CORIN: variants seen among roughly 807,000 people sequenced by gnomAD.
The protein encoded by CORIN is corin, serine peptidase, also known as atrial natriuretic peptide-converting enzyme.
CORIN carries 117 observed loss-of-function variants against 125.3 expected under a neutral mutation model. The observed-to-expected ratio is 0.93, with a 90% CI of 0.80 to 1.09. The LOEUF is 1.09. Among genes scored for constraint, CORIN ranks in the 50% least tolerant of loss-of-function variants. The pLI is 0.00. For synonymous variants in CORIN, 450 were observed against 466.4 expected (o/e 0.96, Z 0.45); for missense variants, 1,253 against 1,306.7 (o/e 0.96, Z 0.63).
At chr4:47,643,089 C>T (rs978262267) in intron 15 of CORIN, 57 bp downstream of exon 15, 2 of 1,613,274 alleles carry the variant, frequency 1.2e-6, no homozygotes, top group Non-Finnish European at 1.7e-6. Context: ...ATCCATTCAG[C>T]TTCAGTGGCT....
chr4:47,795,694 AC>A (rs1731258954), intron 2 of CORIN, among the ~76,000 whole-genome samples: 1 of 151,948 alleles, frequency 6.6e-6, no homozygotes, highest in Non-Finnish European at 1.5e-5. Context: ...TTATTTGTAA[AC>A]CACATATTTG....
At chr4:47,829,206 T>C (rs193052927) in intron 1 of CORIN, among the ~76,000 whole-genome samples, 159 of 152,098 alleles carry the variant, frequency 1.0e-3, no homozygotes, top group African/African-American at 3.8e-3. Context: ...TTCATTAATT[T>C]TTATGTTGAT....
intron 6 of CORIN, among the ~76,000 whole-genome samples, chr4:47,689,009 A>T (rs1317630770): frequency 6.6e-6 from 1 of 152,182 alleles, no homozygotes; most frequent in Non-Finnish European, 1.5e-5. Flanking sequence ...GGCTGCCTCC[A>T]TTCTAAAATA....
intron 1 of CORIN, among the ~76,000 whole-genome samples, chr4:47,817,454 C>T (rs187302679): frequency 2.0e-5 from 3 of 152,284 alleles, no homozygotes; most frequent in East Asian, 1.9e-4. Context: ...CCATACCAAA[C>T]ATGGTCCATG....
chr4:47,780,472 G>A (rs1475095892), intron 3 of CORIN, among the ~76,000 whole-genome samples: 1 of 152,040 alleles, frequency 6.6e-6, no homozygotes, highest in Admixed American at 6.6e-5. Flanking sequence ...GAAGAAATCA[G>A]AGTGAATAAA....
chr4:47,610,941 A>T (rs1721844156), intron 19 of CORIN, among the ~76,000 whole-genome samples: 1 of 151,932 alleles, frequency 6.6e-6, no homozygotes, highest in African/African-American at 2.4e-5. Context: ...ATTCTGTTCC[A>T]TTGGTCTATG....
intron 5 of CORIN, among the ~76,000 whole-genome samples, chr4:47,737,538 G>A (rs1728187167): frequency 6.6e-6 from 1 of 152,214 alleles, no homozygotes; most frequent in East Asian, 1.9e-4. Flanking sequence ...GATAACTCTT[G>A]TAGGCTTAAT....
At chr4:47,763,091 T>C (rs960086718) in intron 4 of CORIN, among the ~76,000 whole-genome samples, 1 of 152,180 alleles carries the variant, frequency 6.6e-6, no homozygotes, top group Non-Finnish European at 1.5e-5. Context: ...GAAACTCTCT[T>C]ATCACCCCTT....
intron 17 of CORIN, among the ~76,000 whole-genome samples, chr4:47,624,358 G>A (rs28446805): frequency 0.017 from 2,579 of 152,182 alleles, 76 homozygotes; most frequent in African/African-American, 0.059. Context: ...GTGGTGAGGA[G>A]GCAGCATGTC....
At chr4:47,696,290 T>C (rs1220616293) in intron 5 of CORIN, among the ~76,000 whole-genome samples, 6 of 152,210 alleles carry the variant, frequency 3.9e-5, no homozygotes, top group Non-Finnish European at 7.3e-5. Context: ...AGTCATGCTA[T>C]ACAATCTTGA....
intron 5 of CORIN, among the ~76,000 whole-genome samples, chr4:47,724,332 A>G (rs1009182121): frequency 6.6e-6 from 1 of 152,216 alleles, no homozygotes; most frequent in Non-Finnish European, 1.5e-5. Context: ...ATTATCTAAT[A>G]TGAACAAAAG....
At chr4:47,809,396 CTTTTTTTTTTTTTT>C (rs374248975) in intron 1 of CORIN, among the ~76,000 whole-genome samples, 5 of 107,364 alleles carry the variant, frequency 4.7e-5, no homozygotes, top group Non-Finnish European at 9.1e-5. Context: ...GAATTGATTG[CTTTTTTTTTTTTTT>C]TTTTTTTTTT....
chr4:47,641,604 T>C (rs773458808), intron 16 of CORIN, among the ~76,000 whole-genome samples: 2 of 152,240 alleles, frequency 1.3e-5, no homozygotes, highest in African/African-American at 2.4e-5. Context: ...AATTACAAGA[T>C]ATTTTCATCC....
intron 2 of CORIN, among the ~76,000 whole-genome samples, chr4:47,795,832 C>T (rs1414088548): frequency 6.6e-6 from 1 of 151,922 alleles, no homozygotes; most frequent in Non-Finnish European, 1.5e-5. Flanking sequence ...AAGACACATA[C>T]GCAGAGCCAG....
intron 4 of CORIN, among the ~76,000 whole-genome samples, chr4:47,761,774 TA>T (rs1300002226): frequency 6.6e-6 from 1 of 152,088 alleles, no homozygotes; most frequent in East Asian, 1.9e-4. Flanking sequence ...TACAGTTAGC[TA>T]GGGGGAATAA....
At chr4:47,761,378 A>G (rs1729448474) in intron 4 of CORIN, among the ~76,000 whole-genome samples, 1 of 152,120 alleles carries the variant, frequency 6.6e-6, no homozygotes, top group Non-Finnish European at 1.5e-5. Context: ...GTCTCGCAGA[A>G]TAGGAAGGCC....
intron 16 of CORIN, among the ~76,000 whole-genome samples, chr4:47,628,249 A>G (rs1331353034): frequency 6.6e-6 from 1 of 152,202 alleles, no homozygotes; most frequent in Non-Finnish European, 1.5e-5. Flanking sequence ...TATTTCTGCC[A>G]TCGTACAGAA....
intron 5 of CORIN, among the ~76,000 whole-genome samples, chr4:47,736,268 C>A (rs1332280665): frequency 2.0e-5 from 3 of 152,128 alleles, no homozygotes; most frequent in African/African-American, 7.2e-5. Context: ...TAGCAGCAGA[C>A]CTCTACTAAA....
intron 2 of CORIN, among the ~76,000 whole-genome samples, chr4:47,801,292 T>C (rs1014574386): frequency 2.0e-5 from 3 of 152,208 alleles, no homozygotes; most frequent in Non-Finnish European, 2.9e-5. Context: ...TTCATCTGCC[T>C]GTATCAGACT....
Sources: gnomAD v4.1 joint callset for allele counts (sites outside exome capture counted in the v4.1 genomes callset) on GRCh38, gnomAD v4.1.1 for gene constraint, MANE v1.5 for transcripts, NCBI Gene and HGNC (gene_info 2026-07-23, HGNC 2026-07-21) for gene names.